The following RREB1 variants were observed in gnomAD, a reference collection of about 807,000 sequenced individuals.
The protein encoded by RREB1 is ras responsive element binding protein 1, also known as ras-responsive element-binding protein 1.
Under a neutral mutation model 117.8 loss-of-function variants are expected in RREB1, and 27 were observed. The ratio of observed to expected loss-of-function variants is 0.23; its 90% CI spans 0.17 to 0.32. The LOEUF is 0.32. RREB1 is among the 10% of genes least tolerant of loss of function. The probability of loss-of-function intolerance (pLI) is 1.00; values close to 1 mark genes in which losing one functional copy is unlikely to be tolerated. For synonymous variants in RREB1, 1,298 were observed against 1,026.7 expected (o/e 1.26, Z -5.05); for missense variants, 2,577 against 2,378.2 (o/e 1.08, Z -1.74).
chr6:7,218,825 T>TAAAAAAAAAAAA (rs11363201), intron 8 of RREB1: 1 of 124,240 alleles, frequency 8.0e-6, no homozygotes, highest in South Asian at 2.6e-4. Context: ...CAACTTTCTT[T>TAAAAAAAAAAAA]AAAAAAAAAA....
intron 1 of RREB1, among the ~76,000 whole-genome samples, chr6:7,146,007 A>C (rs1762837630): frequency 1.4e-5 from 2 of 147,942 alleles, no homozygotes; most frequent in African/African-American, 2.5e-5. Flanking sequence ...CCCCTACGCC[A>C]CCTCTCCGTA....
chr6:7,246,416 C>A lies in RREB1; in HGVS notation c.3974-8C>A. The A allele has an allele frequency of 6.8e-7, 1 of 1,472,482 alleles. No individual in the cohort carries two copies. 91.2% of individuals were successfully genotyped at this position (1,472,482 alleles called of 1,614,324 possible). ...CTCTGAGCCCTCCCCGCTGTGCTTG[C>A]CCCACAGACAGTCAGTCGGATGCGG... On this transcript the variant is annotated splice_region_variant and splice_polypyrimidine_tract_variant and intron_variant, in intron 11 of 12. Transcript: ENST00000379938.
At chr6:7,218,188 T>A (rs941036144) in intron 8 of RREB1, 2 of 152,272 alleles carry the variant, frequency 1.3e-5, no homozygotes, top group Non-Finnish European at 2.9e-5. Flanking sequence ...TTCAAAAATA[T>A]GCTTAGCATA....
chr6:7,112,908 T>C (rs915410896), intron 1 of RREB1, among the ~76,000 whole-genome samples: 3 of 152,080 alleles, frequency 2.0e-5, no homozygotes, highest in African/African-American at 7.2e-5. Flanking sequence ...CCGTTGGCAG[T>C]GGCGGGTTGG....
intron 8 of RREB1, among the ~76,000 whole-genome samples, chr6:7,221,134 G>A (rs558944912): frequency 6.6e-6 from 1 of 152,068 alleles, no homozygotes; most frequent in Non-Finnish European, 1.5e-5. Flanking sequence ...ATCAACAGGT[G>A]CTGAGTGTGA....
At chr6:7,132,125 GC>G (rs1343251328) in intron 1 of RREB1, among the ~76,000 whole-genome samples, 1 of 152,168 alleles carries the variant, frequency 6.6e-6, no homozygotes, top group African/African-American at 2.4e-5. Flanking sequence ...TGCAATCTCG[GC>G]TCACTGCAGC....
At chr6:7,128,733 C>T (rs529352766) in intron 1 of RREB1, among the ~76,000 whole-genome samples, 1 of 152,260 alleles carries the variant, frequency 6.6e-6, no homozygotes, top group Non-Finnish European at 1.5e-5. Flanking sequence ...CTTTAGGAGG[C>T]CAAGGCGGGC....
chr6:7,246,951 C>G lies in RREB1; in HGVS notation c.4501C>G (p.Pro1501Ala). ...QPAPEQEEKPPETPAEVVESA... is the reference protein window; with the variant it reads ...QPAPEQEEKPAETPAEVVESA... The stretch of plus-strand genomic sequence containing the variant: ...CGCCCCTGAACAGGAGGAGAAGCCC[C>G]CCGAGACCCCGGCAGAGGTGGTGGA... Residue 1501 changes from proline to alanine, a missense_variant, in exon 12 of 13, where the codon CCC (proline) becomes GCC (alanine). Pro to Ala is a conservative substitution (Grantham distance 27). Transcript: ENST00000379938. 3 of 1,561,632 alleles carry G rather than the reference C, an allele frequency of 1.9e-6. No individual in the cohort carries two copies. Among genetic ancestry groups the G allele is most frequent in the Non-Finnish European group, 2.6e-6 (3 of 1,154,436 alleles).
At chr6:7,132,637 C>G in intron 1 of RREB1, among the ~76,000 whole-genome samples, 1 of 152,210 alleles carries the variant, frequency 6.6e-6, no homozygotes, top group East Asian at 1.9e-4. Flanking sequence ...GGGTGTCTTG[C>G]CCATAGGCAT....
At position 7,251,017 on chromosome 6, in the gene RREB1, A is replaced by G. The variant is rs1034825030; in HGVS notation, c.*2049A>G. Reference sequence around the variant, plus strand: ...AGTTGTTATTGTTGTTTTTGTTGTTATTATTATTTGGGGTTTCTTGTGTTT... The same window carrying G: ...AGTTGTTATTGTTGTTTTTGTTGTTGTTATTATTTGGGGTTTCTTGTGTTT... On this transcript the variant is annotated 3_prime_UTR_variant, in exon 13 of 13. Transcript: ENST00000379938. The G allele has an allele frequency of 3.3e-5, 5 of 151,662 alleles. No individual in the cohort carries two copies. Among genetic ancestry groups the G allele is most frequent in the African/African-American group, 9.7e-5 (4 of 41,326 alleles). 9.4% of individuals were successfully genotyped at this position (151,662 alleles called of 1,614,324 possible).
At chr6:7,148,910 T>C (rs918749656) in intron 1 of RREB1, among the ~76,000 whole-genome samples, 1 of 152,154 alleles carries the variant, frequency 6.6e-6, no homozygotes, top group Non-Finnish European at 1.5e-5. Context: ...CCAAATACCA[T>C]ACCAGGTTGT....
At position 7,229,192 on chromosome 6, in the gene RREB1, G is replaced by A. The variant is rs1302667350; in HGVS notation, c.1093G>A (p.Ala365Thr). The change falls in exon 10 of 13, where the codon GCC (alanine) becomes ACC (threonine). Residue 365 changes from alanine (A) to threonine (T), a missense_variant. Coordinates refer to ENST00000379938, the MANE Select transcript of RREB1 (RefSeq NM_001003699.4). The surrounding 1 kb of genome is among the most constrained non-coding windows in gnomAD (Gnocchi z 4.5). ...GDALDQKGFL[A>T]LLGLQHTKDV... ...CGCCCTGGACCAGAAGGGCTTCCTG[G>A]CCTTGCTTGGCCTGCAGCACACCAA... 1 of 1,610,464 alleles carries A rather than the reference G, an allele frequency of 6.2e-7. No homozygotes were observed. Among genetic ancestry groups the A allele is most frequent in the East Asian group, 2.2e-5 (1 of 44,784 alleles).
chr6:7,110,728 A>G (rs1276967501), intron 1 of RREB1, among the ~76,000 whole-genome samples: 3 of 152,168 alleles, frequency 2.0e-5, no homozygotes, highest in African/African-American at 7.2e-5. Context: ...AGGTTAATGA[A>G]CTTGCATTGT....
intron 1 of RREB1, among the ~76,000 whole-genome samples, chr6:7,164,959 G>A (rs1018060288): frequency 6.6e-6 from 1 of 152,240 alleles, no homozygotes; most frequent in Non-Finnish European, 1.5e-5. Context: ...TTGAGCTACT[G>A]TAACTAACTT....
chr6:7,239,349 C>T (rs922002286), intron 10 of RREB1, among the ~76,000 whole-genome samples: 1 of 152,212 alleles, frequency 6.6e-6, no homozygotes, highest in African/African-American at 2.4e-5. Context: ...TTCAGTGATA[C>T]ACAAGTGATG....
intron 1 of RREB1, among the ~76,000 whole-genome samples, chr6:7,174,861 A>T (rs961544517): frequency 1.3e-5 from 2 of 152,272 alleles, no homozygotes; most frequent in East Asian, 3.9e-4. Context: ...CACCTGCCTC[A>T]GTGTCCCTAA....
intron 1 of RREB1, chr6:7,139,224 T>TG (rs754515096): frequency 1.3e-5 from 2 of 150,780 alleles, no homozygotes; most frequent in African/African-American, 4.9e-5. Context: ...GGAGGGGGGA[T>TG]GGGGGAGAGA....
At chr6:7,189,954 G>T (rs1053020757) in intron 6 of RREB1, among the ~76,000 whole-genome samples, 4 of 151,996 alleles carry the variant, frequency 2.6e-5, no homozygotes, top group Non-Finnish European at 5.9e-5. Context: ...ATGTTTTGAG[G>T]GGTTTACTTT....
chr6:7,161,154 T>A (rs1763643056), intron 1 of RREB1, among the ~76,000 whole-genome samples: 1 of 152,070 alleles, frequency 6.6e-6, no homozygotes, highest in African/African-American at 2.4e-5. Flanking sequence ...ATGTTTGAGG[T>A]GGGACCAGGT....
Sources: gnomAD v4.1 joint callset for allele counts (sites outside exome capture counted in the v4.1 genomes callset) on GRCh38, gnomAD v4.1.1 for gene constraint, Gnocchi (gnomAD v3.1) non-coding constraint, MANE v1.5 for transcripts, NCBI Gene and HGNC (gene_info 2026-07-23, HGNC 2026-07-21) for gene names.